Variants in RAD23A observed in about 807,000 individuals in gnomAD.
RAD23A encodes lysine-specific demethylase RAD23A.
Under a neutral mutation model 44.8 loss-of-function variants are expected in RAD23A, and 16 were observed. The observed-to-expected ratio is 0.36, with a 90% confidence interval of 0.24 to 0.54. The LOEUF is 0.54. RAD23A is among the 20% of genes least tolerant of loss of function. The pLI is 0.89. For synonymous variants in RAD23A, 217 were observed against 202.9 expected, an observed-to-expected ratio of 1.07 and a Z score of -0.59; for missense variants, 380 against 483.3, an observed-to-expected ratio of 0.79 and a Z score of 2.00.
intron 1 of RAD23A, among the ~76,000 whole-genome samples, chr19:12,947,114 C>T (rs1283384377): frequency 6.6e-6 from 1 of 152,174 alleles, no homozygotes; most frequent in Non-Finnish European, 1.5e-5. Flanking sequence ...AAAGGTATGA[C>T]ACATATACAT....
At chr19:12,946,288 C>A (rs1971672277) in intron 1 of RAD23A, among the ~76,000 whole-genome samples, 1 of 152,198 alleles carries the variant, frequency 6.6e-6, no homozygotes, top group South Asian at 2.1e-4. Context: ...AGCGCTCTCG[C>A]GGGGCGCGGG....
At chr19:12,952,878 C>T (rs1971854271) in intron 8 of RAD23A, 25 bp downstream of exon 8, 17 of 1,604,874 alleles carry the variant, frequency 1.1e-5, no homozygotes, top group Non-Finnish European at 1.4e-5. Context: ...TGAGGGGTGA[C>T]TGCAGGTGGG....
At chr19:12,949,584 C>G (rs543753415) in intron 7 of RAD23A, 176 bp downstream of exon 7, 16 of 784,946 alleles carry the variant, frequency 2.0e-5, no homozygotes, top group African/African-American at 1.2e-4. Flanking sequence ...CTCAGTCTTC[C>G]CAACCACCTT....
Position 12,952,828 on chromosome 19 carries a change from C to T in RAD23A, c.953C>T (p.Pro318Leu), listed in dbSNP as rs746311517. 13 of 1,606,468 alleles carry T rather than the reference C, an allele frequency of 8.1e-6. No individual in the cohort carries two copies. The highest frequency in any genetic ancestry group is 1.7e-5 in the Admixed American group (1 of 58,862). ...CAGATGAACTACATCCAGGTGACGC[C>T]GCAGGAGAAAGAAGCTATAGAGAGG... Reference protein sequence around the residue: ...APQMNYIQVTPQEKEAIERLK... With the variant: ...APQMNYIQVTLQEKEAIERLK... The change falls in exon 8 of 9, where the codon CCG becomes CTG. Residue 318 changes from proline (P) to leucine (L), a missense_variant. Physicochemically the swap from Pro to Leu is moderately conservative, Grantham distance 98. Around this residue, in one of 3 missense-constraint regions of RAD23A, gnomAD observed 31 missense variants for 63.6 expected, o/e 0.49. Coordinates refer to ENST00000586534, the MANE Select transcript of RAD23A (RefSeq NM_005053.4).
Position 12,949,424 on chromosome 19 carries a change from C to T in RAD23A, c.813+16C>T. Reference sequence around the variant, plus strand: ...GCTTTTACAGGTGTGGTCCCAAGGGCAGAGGGAGCTAGGGCAGCCACCATT... The same window carrying T: ...GCTTTTACAGGTGTGGTCCCAAGGGTAGAGGGAGCTAGGGCAGCCACCATT... On this transcript the variant is annotated intron_variant, in intron 7 of 8. Coordinates refer to ENST00000586534, the MANE Select transcript of RAD23A (RefSeq NM_005053.4). 6.2e-7 allele frequency: 1 copy of T among 1,609,186 alleles called. No individual in the cohort carries two copies. The highest frequency in any genetic ancestry group is 8.5e-7 in the Non-Finnish European group (1 of 1,176,102).
chr19:12,952,926 C>T lies in RAD23A; in HGVS notation c.979-10C>T, dbSNP rs2146046218. 2 of 1,613,598 alleles carry T rather than the reference C, an allele frequency of 1.2e-6. No homozygotes were observed. Among genetic ancestry groups the T allele is most frequent in the East Asian group, 2.2e-5 (1 of 44,848 alleles). Reference sequence around the variant, plus strand: ...CCTCTCCTGCTCACACTTAACCTATCTTCCCACAGTTGAAGGCCCTGGGCT... The same window carrying T: ...CCTCTCCTGCTCACACTTAACCTATTTTCCCACAGTTGAAGGCCCTGGGCT... On this transcript the variant is annotated splice_polypyrimidine_tract_variant and intron_variant, in intron 8 of 8. Transcript: ENST00000586534.
intron 7 of RAD23A, 84 bp downstream of exon 7, chr19:12,949,492 G>C: frequency 6.5e-7 from 1 of 1,546,178 alleles, no homozygotes; most frequent in South Asian, 1.2e-5. Context: ...CGTAGGAATC[G>C]TTCTAGGTCC....
chr19:12,952,478 C>G, intron 7 of RAD23A: 5 of 562,936 alleles, frequency 8.9e-6, no homozygotes, highest in Non-Finnish European at 1.5e-5. Flanking sequence ...AGGTGTGAGC[C>G]ACCGTGCCCG....
At chr19:12,946,089 T>C (rs905221438) in intron 1 of RAD23A, 69 bp downstream of exon 1, 1 of 1,203,764 alleles carries the variant, frequency 8.3e-7, no homozygotes, top group Non-Finnish European at 1.2e-6. Flanking sequence ...GCGGGGAGGC[T>C]AGAATCCCAA....
At chr19:12,947,815 G>A (rs760549125) in intron 1 of RAD23A, 33 bp from the exon 2 acceptor site, 10 of 1,605,564 alleles carry the variant, frequency 6.2e-6, no homozygotes, top group Non-Finnish European at 8.5e-6. Context: ...GAATCTTGGG[G>A]TCTCCAGTGA....
chr19:12,949,455 T>G, intron 7 of RAD23A, 47 bp downstream of exon 7: 2 of 1,595,842 alleles, frequency 1.3e-6, no homozygotes, highest in Non-Finnish European at 1.7e-6. Flanking sequence ...CCATTTCCCT[T>G]CCCTGTGGGC....
chr19:12,946,316 C>T (rs944826648), intron 1 of RAD23A, among the ~76,000 whole-genome samples: 4 of 152,224 alleles, frequency 2.6e-5, no homozygotes, highest in African/African-American at 9.6e-5. Context: ...AGCTCGGATT[C>T]CTGGGCAGGC....
chr19:12,947,631 C>T (rs1971702500), intron 1 of RAD23A, among the ~76,000 whole-genome samples: 1 of 152,164 alleles, frequency 6.6e-6, no homozygotes, highest in Non-Finnish European at 1.5e-5. Flanking sequence ...TAAAACAGCA[C>T]CTGGCACATA....
chr19:12,947,809 C>A (rs1490331004), intron 1 of RAD23A, 39 bp from the exon 2 acceptor site: 1 of 1,601,444 alleles, frequency 6.2e-7, no homozygotes, highest in East Asian at 2.2e-5. Context: ...AAAAGAGAAT[C>A]TTGGGGTCTC....
Position 12,953,082 on chromosome 19 carries a change from C to G in RAD23A, c.*33C>G. 6.8e-7 allele frequency: 1 copy of G among 1,477,786 alleles called. No homozygotes were observed. Among genetic ancestry groups the G allele is most frequent in the Non-Finnish European group, 9.4e-7 (1 of 1,059,888 alleles). The allele number at this position is 1,477,786 out of a possible 1,614,324, so 91.5% of individuals were successfully genotyped here. On this transcript the variant is annotated 3_prime_UTR_variant, in exon 9 of 9. Coordinates refer to ENST00000586534, the MANE Select transcript of RAD23A (RefSeq NM_005053.4). ...AAGCCAGGCCACCGAAGCCCCCACC[C>G]TACCCTTATTCCATGAAAGTTTTAT...
At position 12,948,212 on chromosome 19, in the gene RAD23A, G is replaced by T; in HGVS notation, c.270G>T (p.Glu90Asp). Residue 90 changes from glutamate (E) to aspartate (D), a missense_variant, in exon 3 of 9, where the codon GAG becomes GAT. By Grantham distance (45) the Glu-to-Asp change is conservative. This residue lies in a region of RAD23A where 279 missense variants were observed against 313.7 expected (regional missense o/e 0.89). Transcript: ENST00000586534. The surrounding 1 kb of genome is among the most constrained non-coding windows in gnomAD (Gnocchi z 5.5). Reference protein sequence around the residue: ...KAGQGTSAPPEASPTAAPESS... With the variant: ...KAGQGTSAPPDASPTAAPESS... ...GCCAGGGTACCTCAGCACCCCCAGA[G>T]GCCTCACCCACAGCTGCCCCAGAGT... The T allele has an allele frequency of 6.2e-7, 1 of 1,614,072 alleles. No homozygotes were observed. Among genetic ancestry groups the T allele is most frequent in the Non-Finnish European group, 8.5e-7 (1 of 1,180,006 alleles).
Position 12,948,018 on chromosome 19 carries a change from C to T in RAD23A, c.234+9C>T, listed in dbSNP as rs62109869. The stretch of plus-strand genomic sequence containing the variant: ...TCGTCATGGTGACCAAGGTGGGTGA[C>T]GTGTGCTGGCTGGGAGGGTGGGTGG... On this transcript the variant is annotated intron_variant, in intron 2 of 8. Coordinates refer to ENST00000586534, the MANE Select transcript of RAD23A (RefSeq NM_005053.4). The surrounding 1 kb of genome is among the most constrained non-coding windows in gnomAD (Gnocchi z 5.5). 174 of 1,612,428 alleles carry T rather than the reference C, an allele frequency of 1.1e-4. No individual in the cohort carries two copies. The highest frequency in any genetic ancestry group is 1.3e-4 in the Non-Finnish European group (159 of 1,179,644).
At chr19:12,950,764 TCAGAGCTTC>T (rs1971790511) in intron 7 of RAD23A, among the ~76,000 whole-genome samples, 1 of 152,152 alleles carries the variant, frequency 6.6e-6, no homozygotes, top group African/African-American at 2.4e-5. Flanking sequence ...TAGAGTTATA[TCAGAGCTTC>T]CAGATACCCA....
rs568534434 is a variant in RAD23A, at chr19:12,953,252, C to A, written c.*203C>A. ...TCTCCCGGGCCAGACAGCTGTCCCC[C>A]CGTCCTCCTCCCCAGCCCAGCCTGC... On this transcript the variant is annotated 3_prime_UTR_variant, in exon 9 of 9. Coordinates refer to ENST00000586534, the MANE Select transcript of RAD23A (RefSeq NM_005053.4). The A allele has an allele frequency of 1.2e-3, 498 of 419,876 alleles. 6 individuals are homozygous for A. Among genetic ancestry groups the A allele is most frequent in the Admixed American group, 9.0e-4 (22 of 24,412 alleles). 26.0% of individuals were successfully genotyped at this position (419,876 alleles called of 1,614,324 possible).
Sources: allele counts gnomAD v4.1 joint callset (sites outside exome capture counted in the v4.1 genomes callset), GRCh38; gene constraint gnomAD v4.1.1; regional missense constraint gnomAD v4.1.1; non-coding constraint Gnocchi (gnomAD v3.1); transcripts MANE v1.5; gene names NCBI Gene and HGNC (gene_info 2026-07-23, HGNC 2026-07-21).